Variants in STARD13 observed in about 807,000 individuals in gnomAD.
STARD13 encodes the protein stAR-related lipid transfer protein 13.
STARD13 carries 62 observed loss-of-function variants against 106.4 expected under a neutral mutation model. That is an observed-to-expected ratio of 0.58 (90% CI 0.48 to 0.72). The LOEUF (loss-of-function observed/expected upper bound fraction) is 0.72, where lower values mean the gene tolerates loss of function less well. Among genes scored for constraint, STARD13 ranks in the 30% least tolerant of loss-of-function variants. The probability of loss-of-function intolerance (pLI) is 0.00; values close to 1 mark genes in which losing one functional copy is unlikely to be tolerated. For missense variants in STARD13, 1,387 were observed against 1,424.0 expected (o/e 0.97, Z 0.42); for synonymous variants, 565 against 553.0 (o/e 1.02, Z -0.31).
chr13:33,129,102 G>A lies in STARD13; in HGVS notation c.1575C>T (p.Thr525=). Reference sequence around the variant, plus strand: ...AGGTGATCTGATTAGGAGATGGAAAGGTGGATAAGCCAGGTTCCCCAACCA... The same window carrying A: ...AGGTGATCTGATTAGGAGATGGAAAAGTGGATAAGCCAGGTTCCCCAACCA... ...DTLVGEPGLS[T]FPSPNQITLD... The change falls in exon 5 of 14, where the codon ACC becomes ACT. Residue 525 remains threonine, a synonymous_variant. Coordinates refer to ENST00000336934, the MANE Select transcript of STARD13 (RefSeq NM_178006.4). 6.2e-7 allele frequency: 1 copy of A among 1,614,172 alleles called. No individual in the cohort carries two copies. Among genetic ancestry groups the A allele is most frequent in the South Asian group, 1.1e-5 (1 of 91,078 alleles).
downstream of STARD13, among the ~76,000 whole-genome samples, chr13:33,347,522 C>T (rs777886018): frequency 2.0e-5 from 3 of 152,194 alleles, no homozygotes; most frequent in African/African-American, 4.8e-5. Context: ...GCTGAGATTA[C>T]AGGCATGAGC....
At chr13:33,463,093 G>A in the STARD13 span, among the ~76,000 whole-genome samples, 1 of 152,226 alleles carries the variant, frequency 6.6e-6, no homozygotes, top group African/African-American at 2.4e-5. Context: ...ATCTCTGGAA[G>A]TGATGCAGGG....
the STARD13 span, among the ~76,000 whole-genome samples, chr13:33,481,988 AAAAAAAAAAGAAAG>A: frequency 1.3e-5 from 2 of 151,980 alleles, no homozygotes; most frequent in Non-Finnish European, 2.9e-5. Context: ...GTCTCGAAAA[AAAAAAAAAAGAAAG>A]AAAAAAAAAG....
At chr13:33,112,404 G>A (rs761506702) in intron 9 of STARD13, among the ~76,000 whole-genome samples, 2 of 152,096 alleles carry the variant, frequency 1.3e-5, no homozygotes, top group Non-Finnish European at 2.9e-5. Flanking sequence ...TTGAAATGTA[G>A]CATGAGACAC....
At chr13:33,143,542 C>T (rs750299981) in intron 3 of STARD13, among the ~76,000 whole-genome samples, 8 of 151,988 alleles carry the variant, frequency 5.3e-5, no homozygotes, top group Non-Finnish European at 7.4e-5. Context: ...TGTTTCCAGT[C>T]GTTTCTTTTG....
intron 1 of STARD13, chr13:33,336,180 G>A (rs1156877206): frequency 1.3e-5 from 2 of 152,164 alleles, no homozygotes; most frequent in Non-Finnish European, 2.9e-5. Flanking sequence ...TCTCCAGAGT[G>A]ATCTTATAGC....
At chr13:33,360,729 T>TC in the STARD13 span, among the ~76,000 whole-genome samples, 1 of 8,784 alleles carries the variant, frequency 1.1e-4, no homozygotes, top group African/African-American at 4.3e-4. Flanking sequence ...CAGAAGGACA[T>TC]ATTGTTGATC....
intron 1 of STARD13, among the ~76,000 whole-genome samples, chr13:33,230,390 C>T (rs900263727): frequency 6.6e-6 from 1 of 152,184 alleles, no homozygotes; most frequent in Non-Finnish European, 1.5e-5. Flanking sequence ...AGGGAGAATA[C>T]TCATCCTGGC....
chr13:33,484,887 T>C, the STARD13 span, among the ~76,000 whole-genome samples: 1 of 152,234 alleles, frequency 6.6e-6, no homozygotes, highest in Non-Finnish European at 1.5e-5. Context: ...TCTAAATTTA[T>C]GCTCAATTTC....
At chr13:33,620,673 TATTAA>T in the STARD13 span, among the ~76,000 whole-genome samples, 1 of 151,584 alleles carries the variant, frequency 6.6e-6, no homozygotes, top group Non-Finnish European at 1.5e-5. Flanking sequence ...CTTAGAGTAA[TATTAA>T]ATTAAAAATA....
chr13:33,286,291 CA>C (rs1376267167), upstream of STARD13, among the ~76,000 whole-genome samples: 16 of 152,194 alleles, frequency 1.1e-4, no homozygotes, highest in Admixed American at 7.8e-4. Context: ...GCTTTAACAC[CA>C]GGAGTGAATA....
At chr13:33,126,826 T>C (rs1412674691) in intron 6 of STARD13, among the ~76,000 whole-genome samples, 1 of 152,100 alleles carries the variant, frequency 6.6e-6, no homozygotes, top group East Asian at 1.9e-4. Context: ...ACACATTTTG[T>C]ATTTTTTCAA....
intron 1 of STARD13, among the ~76,000 whole-genome samples, chr13:33,272,207 G>A (rs1213543266): frequency 1.3e-5 from 2 of 152,176 alleles, no homozygotes; most frequent in Non-Finnish European, 2.9e-5. Flanking sequence ...CACCAGAAGT[G>A]TTTCAGATTT....
the STARD13 span, among the ~76,000 whole-genome samples, chr13:33,670,209 A>G: frequency 1.3e-5 from 2 of 152,208 alleles, no homozygotes; most frequent in Non-Finnish European, 2.9e-5. Flanking sequence ...TATGCCAAGT[A>G]TCTTATATTC....
the STARD13 span, among the ~76,000 whole-genome samples, chr13:33,384,114 A>G: frequency 2.6e-5 from 4 of 152,226 alleles, no homozygotes; most frequent in Admixed American, 2.6e-4. Context: ...CCAGCTCTAC[A>G]GCAAAGATAA....
exon 1 of STARD13, chr13:33,350,517 G>T (rs1048260617): frequency 6.9e-7 from 1 of 1,452,296 alleles, no homozygotes; most frequent in Non-Finnish European, 9.1e-7. Context: ...CGGCACTCCC[G>T]CCGGGGTCCC....
At chr13:33,199,888 G>T (rs953654892) in intron 1 of STARD13, among the ~76,000 whole-genome samples, 3 of 152,228 alleles carry the variant, frequency 2.0e-5, no homozygotes, top group Admixed American at 6.5e-5. Context: ...AGTACCAATG[G>T]TCCAGGATGC....
chr13:33,641,778 C>A, the STARD13 span, among the ~76,000 whole-genome samples: 1 of 152,088 alleles, frequency 6.6e-6, no homozygotes, highest in Non-Finnish European at 1.5e-5. Context: ...GATCAGGAAA[C>A]CGAATTCCAG....
chr13:33,284,367 C>A (rs1030211792), intron 1 of STARD13, among the ~76,000 whole-genome samples: 3 of 152,146 alleles, frequency 2.0e-5, no homozygotes, highest in Non-Finnish European at 4.4e-5. Context: ...GATTACAAAC[C>A]CCAACTTCCT....
Sources: gnomAD v4.1 joint callset for allele counts (sites outside exome capture counted in the v4.1 genomes callset) on GRCh38, gnomAD v4.1.1 for gene constraint, MANE v1.5 for transcripts, NCBI Gene and HGNC (gene_info 2026-07-23, HGNC 2026-07-21) for gene names.